The following STAT6 variants were observed in gnomAD, a reference collection of about 807,000 sequenced individuals.
STAT6 encodes STAT, interleukin4-induced.
Under a neutral mutation model 106.3 loss-of-function variants are expected in STAT6, and 45 were observed. The observed-to-expected ratio is 0.42, with a 90% CI of 0.33 to 0.54. STAT6 has a LOEUF of 0.54. STAT6 is among the 20% of genes least tolerant of loss of function. The pLI, the probability that STAT6 is intolerant of heterozygous loss-of-function variation, is 0.06. For missense variants in STAT6, 797 were observed against 1,062.2 expected (o/e 0.75, Z 3.47); for synonymous variants, 413 against 413.6 (o/e 1.00, Z 0.02).
At chr12:57,102,146 G>C in intron 13 of STAT6, 144 bp downstream of exon 13, 1 of 877,580 alleles carries the variant, frequency 1.1e-6, no homozygotes, top group Non-Finnish European at 1.8e-6. Context: ...TTTCCTCCCT[G>C]GTCCATGACA....
At position 57,099,220 on chromosome 12, in the gene STAT6, G is replaced by C; in HGVS notation, c.1891+74C>G. The C allele has an allele frequency of 6.2e-7, 1 of 1,603,776 alleles. No individual in the cohort carries two copies. The highest frequency in any genetic ancestry group is 8.5e-7 in the Non-Finnish European group (1 of 1,171,532). On this transcript the variant is annotated intron_variant, in intron 16 of 21. Coordinates refer to ENST00000300134, the MANE Select transcript of STAT6 (RefSeq NM_003153.5). This position sits in a 1 kb window ranked among gnomAD's most constrained non-coding sequence, Gnocchi z 4.7. ...GTGACATCAGGATGACACGCGGGCA[G>C]GGAGAGGAGGGCAGCGGGGAGCAGG...
Position 57,105,243 on chromosome 12 carries a change from C to T in STAT6, c.909G>A (p.Gly303=). ...TGACCAGCGGAGGCTTGGCTGGGGCCCCCAGGAACCTCAAGCCCAACAGGA... is the reference window on the plus strand; with the variant it reads ...TGACCAGCGGAGGCTTGGCTGGGGCTCCCAGGAACCTCAAGCCCAACAGGA... ...VRFLLGLRFL[G]APAKPPLVRA... The change falls in exon 9 of 22, where the codon GGG becomes GGA. Residue 303 remains glycine (G), a synonymous_variant. Coordinates refer to ENST00000300134, the MANE Select transcript of STAT6 (RefSeq NM_003153.5). 3 of 1,614,092 alleles carry T rather than the reference C, an allele frequency of 1.9e-6. No homozygotes were observed. The highest frequency in any genetic ancestry group is 2.5e-6 in the Non-Finnish European group (3 of 1,179,984).
chr12:57,105,934 C>G, intron 7 of STAT6: 2 of 653,732 alleles, frequency 3.1e-6, no homozygotes, highest in Non-Finnish European at 5.1e-6. Context: ...AAAAGCCCTC[C>G]TATTCCTCTA....
rs368142764 is a variant in STAT6 at position 57,099,388 on chromosome 12, A to G, written c.1797T>C (p.Ile599=). The G allele has an allele frequency of 4.3e-5, 69 of 1,614,062 alleles. No individual in the cohort carries two copies. Among genetic ancestry groups the G allele is most frequent in the Non-Finnish European group, 5.8e-5 (68 of 1,180,040 alleles). ...CCCGGATTCGGTCCCCCAGTGAGCG[A>G]ATGGACAGGTCTTTGGCAGAGAATG... is the stretch of plus-strand genomic sequence containing the variant. ...IQPFSAKDLS[I]RSLGDRIRDL... Residue 599 remains isoleucine (I), a synonymous_variant, in exon 16 of 22, where the codon ATT becomes ATC. Coordinates refer to ENST00000300134, the MANE Select transcript of STAT6 (RefSeq NM_003153.5). The surrounding 1 kb of genome is among the most constrained non-coding windows in gnomAD (Gnocchi z 4.7).
chr12:57,097,362 G>C (rs1179618369), intron 19 of STAT6: 3 of 377,914 alleles, frequency 7.9e-6, no homozygotes, highest in Non-Finnish European at 1.4e-5. Flanking sequence ...CTGAACTTTG[G>C]TAGTTCTTAA....
chr12:57,100,734 GAAAGAAAGAAAGAAAAGA>G (rs2033866296), intron 13 of STAT6: 1 of 146,784 alleles, frequency 6.8e-6, no homozygotes. Context: ...AAGAAAGAAA[GAAAGAAAGAAAGAAAAGA>G]AAAAAAAACC....
At chr12:57,107,344 C>G in intron 3 of STAT6, 30 bp from the exon 4 acceptor site, 1 of 1,599,722 alleles carries the variant, frequency 6.3e-7, no homozygotes, top group Non-Finnish European at 8.6e-7. Context: ...AAACAGTGAG[C>G]TTTGCTCTTA....
At chr12:57,105,048 T>A in intron 9 of STAT6, 103 bp downstream of exon 9, 7 of 1,403,854 alleles carry the variant, frequency 5.0e-6, no homozygotes, top group Non-Finnish European at 6.7e-6. Context: ...CCACATCCCA[T>A]GGCCCTCCCT....
chr12:57,096,636 G>A lies in STAT6; in HGVS notation c.2480C>T (p.Ser827Phe). ...TGAGATCCCAGATTGCCCATAGTGG[G>A]AGGGCTGCAGGAGGGGCTGTGCCCC... is the stretch of plus-strand genomic sequence containing the variant. ...SLGAQPLLQP[S>F]HYGQSGISMS... The change falls in exon 22 of 22, where the codon TCC (serine) becomes TTC (phenylalanine). Residue 827 changes from serine to phenylalanine, a missense_variant. Ser to Phe is a radical substitution (Grantham distance 155). Around this residue, in one of 4 missense-constraint regions of STAT6, gnomAD observed 226 missense variants for 236.7 expected, o/e 0.95. Coordinates refer to ENST00000300134, the MANE Select transcript of STAT6 (RefSeq NM_003153.5). The A allele has an allele frequency of 6.2e-7, 1 of 1,608,782 alleles. No homozygotes were observed. Among genetic ancestry groups the A allele is most frequent in the Non-Finnish European group, 8.5e-7 (1 of 1,178,274 alleles).
In STAT6 at chr12:57,099,846, G is replaced by C; in HGVS notation, c.1665C>G (p.Pro555=). 1 of 1,614,208 alleles carries C rather than the reference G, an allele frequency of 6.2e-7. No homozygotes were observed. Residue 555 remains proline, a synonymous_variant, in exon 15 of 22, where the codon CCC becomes CCG. Coordinates refer to ENST00000300134, the MANE Select transcript of STAT6 (RefSeq NM_003153.5). This position sits in a 1 kb window ranked among gnomAD's most constrained non-coding sequence, Gnocchi z 4.7. ...TGAAGCGGAGGAGAAAGGTTCCGTC[G>C]GGCTCATTGAGAAGAAGGCTAGTAA... ...QYVTSLLLNE[P]DGTFLLRFSD...
At position 57,106,536 on chromosome 12, in the gene STAT6, G is replaced by A; in HGVS notation, c.523C>T (p.Pro175Ser). 1.2e-6 allele frequency: 2 copies of A among 1,614,128 alleles called. No individual in the cohort carries two copies. Among genetic ancestry groups the A allele is most frequent in the South Asian group, 1.1e-5 (1 of 91,066 alleles). The change falls in exon 6 of 22, where the codon CCA (proline) becomes TCA (serine). Residue 175 changes from proline (P) to serine (S), a missense_variant. By Grantham distance (74) the Pro-to-Ser change is moderately conservative (BLOSUM62 -1). Transcript: ENST00000300134. Reference protein sequence around the residue: ...LIETPANGTGPSEALAMLLQE... With the variant: ...LIETPANGTGSSEALAMLLQE... ...GTCAGCCCATTACTCACCTCACTTG[G>A]CCCAGTCCCATTAGCAGGAGTTTCT...
At chr12:57,100,951 TTAAG>T (rs1275912887) in intron 13 of STAT6, 1 of 449,088 alleles carries the variant, frequency 2.2e-6, no homozygotes, top group African/African-American at 2.0e-5. Flanking sequence ...GTTGGGAGGA[TTAAG>T]TGAGATAACA....
Position 57,097,065 on chromosome 12 carries a change from C to T in STAT6, c.2225+3G>A. ...TGGGGTCAGGAGGGGCTTTGTCACT[C>T]ACTGGGGGTGAGGCTGGTCAAAGGG... On this transcript the variant is annotated splice_donor_region_variant and intron_variant, in intron 20 of 21. Transcript: ENST00000300134. The T allele has an allele frequency of 6.4e-7, 1 of 1,558,836 alleles. No homozygotes were observed. Among genetic ancestry groups the T allele is most frequent in the African/African-American group, 1.4e-5 (1 of 73,342 alleles).
In STAT6 at chr12:57,098,913, G is replaced by A. The variant is rs768112977; in HGVS notation, c.1956-11C>T. 1.9e-6 allele frequency: 3 copies of A among 1,613,614 alleles called. No individual in the cohort carries two copies. Among genetic ancestry groups the A allele is most frequent in the South Asian group, 1.1e-5 (1 of 91,068 alleles). ...GGAAGTGGTTGGTCCCTGGAGGAGG[G>A]AAGGAGGTACATGTGACTGACCAAG... On this transcript the variant is annotated splice_polypyrimidine_tract_variant and intron_variant, in intron 17 of 21. Coordinates refer to ENST00000300134, the MANE Select transcript of STAT6 (RefSeq NM_003153.5).
Position 57,096,746 on chromosome 12 carries a change from T to G in STAT6, c.2370A>C (p.Ile790=). 5.6e-6 allele frequency: 9 copies of G among 1,613,006 alleles called. No homozygotes were observed. The highest frequency in any genetic ancestry group is 6.8e-6 in the Non-Finnish European group (8 of 1,179,578). Residue 790 remains isoleucine (I), a synonymous_variant, in exon 22 of 22, where the codon ATA becomes ATC. Transcript: ENST00000300134. ...CAGTGGGAGGCAGCAGAGGAGGGAA[T>G]ATGTCTTCACCAATCCTGCAAGGAG... ...FPQGTWIGED[I]FPPLLPPTEQ...
chr12:57,096,768 G>T lies in STAT6; in HGVS notation c.2355-7C>A, dbSNP rs757093061. On this transcript the variant is annotated splice_region_variant and splice_polypyrimidine_tract_variant and intron_variant, in intron 21 of 21. Coordinates refer to ENST00000300134, the MANE Select transcript of STAT6 (RefSeq NM_003153.5). ...GAATATGTCTTCACCAATCCTGCAA[G>T]GAGATGGGAGAAGCAGTGGAGTAGG... 6.2e-7 allele frequency: 1 copy of T among 1,613,324 alleles called. No homozygotes were observed. Among genetic ancestry groups the T allele is most frequent in the Admixed American group, 1.7e-5 (1 of 59,746 alleles).
intron 1 of STAT6, among the ~76,000 whole-genome samples, 176 bp from the exon 2 acceptor site, chr12:57,108,475 C>A (rs1353559527): frequency 2.0e-5 from 3 of 152,246 alleles, no homozygotes; most frequent in Non-Finnish European, 4.4e-5. Flanking sequence ...GGGGGTAACT[C>A]CTTCAGTGAT....
intron 13 of STAT6, among the ~76,000 whole-genome samples, chr12:57,101,964 AG>A (rs2033963533): frequency 6.6e-6 from 1 of 152,174 alleles, no homozygotes; most frequent in East Asian, 1.9e-4. Context: ...GTGCCCGGCC[AG>A]GAACTATTTT....
chr12:57,095,481 T>C lies in STAT6; in HGVS notation c.*1091A>G, dbSNP rs1177771631. The C allele has an allele frequency of 6.5e-6, 1 of 152,692 alleles. No individual in the cohort carries two copies. The highest frequency in any genetic ancestry group is 1.5e-5 in the Non-Finnish European group (1 of 68,074). The allele number at this position is 152,692 out of a possible 1,614,324, so 9.5% of individuals were successfully genotyped here. On this transcript the variant is annotated 3_prime_UTR_variant, in exon 22 of 22. Transcript: ENST00000300134. ...AATTTATTTTATGGCTTAGGATCTA[T>C]GACCCCTGCCTTGAGAGGGAGAATG...
Sources: gnomAD v4.1 joint callset for allele counts (sites outside exome capture counted in the v4.1 genomes callset) on GRCh38, gnomAD v4.1.1 for gene constraint, gnomAD v4.1.1 regional missense constraint, Gnocchi (gnomAD v3.1) non-coding constraint, MANE v1.5 for transcripts, NCBI Gene and HGNC (gene_info 2026-07-23, HGNC 2026-07-21) for gene names.